NRDC: variants seen among roughly 807,000 people sequenced by gnomAD.
NRDC encodes the protein nardilysin convertase.
A neutral mutation model predicts 147.1 loss-of-function variants in NRDC; 54 were observed. That is an observed-to-expected ratio of 0.37 (90% CI 0.29 to 0.46). The LOEUF is 0.46. NRDC is among the 20% of genes least tolerant of loss of function. The pLI is 1.00. For synonymous variants in NRDC, 440 were observed against 482.1 expected (o/e 0.91, Z 1.14); for missense variants, 1,082 against 1,370.6 (o/e 0.79, Z 3.33).
chr1:51,821,686 C>T, intron 7 of NRDC, 131 bp from the exon 8 acceptor site: 1 of 634,406 alleles, frequency 1.6e-6, no homozygotes, highest in Non-Finnish European at 2.8e-6. Flanking sequence ...TTACTTGCCA[C>T]TCCTGAACCA....
chr1:51,790,988 G>T lies in NRDC; in HGVS notation c.2963C>A (p.Ser988Tyr). 6.2e-7 allele frequency: 1 copy of T among 1,607,162 alleles called. No individual in the cohort carries two copies. The highest frequency in any genetic ancestry group is 1.1e-5 in the South Asian group (1 of 90,758). ...TTCTATCTTCTTATCAACAACTTCA[G>T]AACTGAAACAAAACATCTTCAATCA... is the stretch of plus-strand genomic sequence containing the variant. ...TVGTQATKYN[S>Y]EVVDKKIEEF... Residue 988 changes from serine (S) to tyrosine (Y), a missense_variant and splice_region_variant, in exon 28 of 31, where the codon TCT becomes TAT. By Grantham distance (144) the Ser-to-Tyr change is moderately radical (BLOSUM62 -2). Around this residue, in one of 3 missense-constraint regions of NRDC, gnomAD observed 187 missense variants for 193.6 expected, o/e 0.97. Coordinates refer to ENST00000352171, the MANE Select transcript of NRDC (RefSeq NM_001101662.2).
At chr1:51,844,461 A>G (rs983235612) in intron 1 of NRDC, among the ~76,000 whole-genome samples, 6 of 152,054 alleles carry the variant, frequency 3.9e-5, no homozygotes, top group African/African-American at 1.4e-4. Flanking sequence ...TACCAAGGAG[A>G]AGGCCAACCG....
At chr1:51,846,273 T>C (rs1681575887) in intron 1 of NRDC, among the ~76,000 whole-genome samples, 1 of 152,030 alleles carries the variant, frequency 6.6e-6, no homozygotes, top group Non-Finnish European at 1.5e-5. Context: ...CCACCGCACC[T>C]GGTTAATTTT....
intron 22 of NRDC, chr1:51,797,808 T>C (rs1030742939): frequency 1.9e-5 from 3 of 154,216 alleles, no homozygotes; most frequent in Admixed American, 6.5e-5. Context: ...TCTTACTCTG[T>C]TGCCCAGGCT....
chr1:51,858,572 G>A (rs1280911948), intron 1 of NRDC, among the ~76,000 whole-genome samples: 2 of 151,808 alleles, frequency 1.3e-5, no homozygotes, highest in African/African-American at 4.8e-5. Context: ...CCTGCCTCAA[G>A]AGTGAAAATA....
chr1:51,859,145 T>C (rs1337284343), intron 1 of NRDC, among the ~76,000 whole-genome samples: 1 of 152,188 alleles, frequency 6.6e-6, no homozygotes, highest in Non-Finnish European at 1.5e-5. Context: ...CTTAGGGCAA[T>C]GAAACAGGTA....
intron 1 of NRDC, among the ~76,000 whole-genome samples, chr1:51,866,774 T>C (rs554544698): frequency 1.3e-5 from 2 of 151,970 alleles, no homozygotes; most frequent in East Asian, 1.9e-4. Flanking sequence ...AAAACAATGA[T>C]ATATACTGTT....
intron 1 of NRDC, among the ~76,000 whole-genome samples, chr1:51,877,317 C>T (rs1277166878): frequency 1.3e-5 from 2 of 152,138 alleles, no homozygotes; most frequent in Non-Finnish European, 2.9e-5. Flanking sequence ...TCTCAATTTC[C>T]TCAACCTGTT....
intron 4 of NRDC, among the ~76,000 whole-genome samples, chr1:51,832,177 G>A (rs1015752763): frequency 1.3e-5 from 2 of 151,876 alleles, no homozygotes; most frequent in African/African-American, 4.8e-5. Flanking sequence ...CTCCCAAGTA[G>A]CTGAAATTAC....
chr1:51,844,441 T>C (rs1456563253), intron 1 of NRDC, among the ~76,000 whole-genome samples: 1 of 151,496 alleles, frequency 6.6e-6, no homozygotes, highest in Non-Finnish European at 1.5e-5. Flanking sequence ...GAAAAGACCA[T>C]GTGAGGAGAT....
chr1:51,826,793 T>G (rs1389227262), intron 5 of NRDC, among the ~76,000 whole-genome samples: 5 of 152,184 alleles, frequency 3.3e-5, no homozygotes, highest in Non-Finnish European at 7.3e-5. Context: ...GCATAATTTT[T>G]CAAAGCATAA....
At chr1:51,837,237 T>C (rs1295626840) in intron 2 of NRDC, among the ~76,000 whole-genome samples, 2 of 152,314 alleles carry the variant, frequency 1.3e-5, no homozygotes, top group Middle Eastern at 3.4e-3. Context: ...ACATATTTGG[T>C]GAAACAGATT....
intron 1 of NRDC, among the ~76,000 whole-genome samples, chr1:51,876,101 A>G (rs778185027): frequency 3.9e-5 from 6 of 152,354 alleles, no homozygotes; most frequent in Non-Finnish European, 7.3e-5. Context: ...TAAAACAGTT[A>G]CAACAGTAGC....
In NRDC at chr1:51,862,658, G is replaced by C. The variant is rs542304942; in HGVS notation, c.341+15617C>G. On this transcript the variant is annotated intron_variant, in intron 1 of 30. Transcript: ENST00000352171. ...AGGATCACCTGAGCCAGGAGGTTAAGGCTGCAGTGAGCCATGATCATGACA... is the reference window on the plus strand; with the variant it reads ...AGGATCACCTGAGCCAGGAGGTTAACGCTGCAGTGAGCCATGATCATGACA... Among the ~76,000 whole-genome samples the C allele has an allele frequency of 1.3e-4, 20 of 151,878 alleles. No individual in the cohort carries two copies. In the South Asian group the frequency reaches 4.2e-3, roughly 32 times the overall value.
At chr1:51,816,022 G>A (rs977614421) in intron 11 of NRDC, 6 of 169,454 alleles carry the variant, frequency 3.5e-5, no homozygotes, top group African/African-American at 1.4e-4. Flanking sequence ...TTCTTGATTA[G>A]AGCTAATTCT....
chr1:51,831,174 T>C (rs1680689138), intron 4 of NRDC, among the ~76,000 whole-genome samples: 6 of 152,162 alleles, frequency 3.9e-5, no homozygotes. Context: ...GTACAAAACA[T>C]ATTTAGAACA....
intron 2 of NRDC, among the ~76,000 whole-genome samples, chr1:51,839,235 CT>C (rs1681145594): frequency 6.7e-6 from 1 of 148,456 alleles, no homozygotes; most frequent in Non-Finnish European, 1.5e-5. Flanking sequence ...TCAAAGCTCA[CT>C]GCAACCTTAA....
At chr1:51,858,282 C>G (rs1398264190) in intron 1 of NRDC, among the ~76,000 whole-genome samples, 3 of 152,042 alleles carry the variant, frequency 2.0e-5, no homozygotes, top group Non-Finnish European at 4.4e-5. Context: ...CAGTTCAAGA[C>G]AAGCCTATGC....
intron 1 of NRDC, among the ~76,000 whole-genome samples, chr1:51,863,045 A>G (rs1682630839): frequency 6.8e-6 from 1 of 147,464 alleles, no homozygotes; most frequent in African/African-American, 2.5e-5. Flanking sequence ...AAAACAAGCA[A>G]TAACCAGAAA....
Sources: gnomAD v4.1 joint callset for allele counts (sites outside exome capture counted in the v4.1 genomes callset) on GRCh38, gnomAD v4.1.1 for gene constraint, gnomAD v4.1.1 regional missense constraint, MANE v1.5 for transcripts, NCBI Gene and HGNC (gene_info 2026-07-23, HGNC 2026-07-21) for gene names.